WDR27: variants seen among roughly 807,000 people sequenced by gnomAD.
The protein encoded by WDR27 is WD repeat domain 27.
Under a neutral mutation model 114.4 loss-of-function variants are expected in WDR27, and 100 were observed. That is an observed-to-expected ratio of 0.87 (90% CI 0.74 to 1.03). The LOEUF (loss-of-function observed/expected upper bound fraction) is 1.03. Among genes scored for constraint, WDR27 ranks in the 50% least tolerant of loss-of-function variants. The pLI is 0.00. For missense variants in WDR27, 1,129 were observed against 1,092.9 expected, an observed-to-expected ratio of 1.03 and a Z score of -0.47; for synonymous variants, 449 against 423.1, an observed-to-expected ratio of 1.06 and a Z score of -0.75.
intron 25 of WDR27, among the ~76,000 whole-genome samples, chr6:169,535,888 T>C (rs151206930): frequency 2.8e-4 from 42 of 152,322 alleles, no homozygotes; most frequent in African/African-American, 8.4e-4. Flanking sequence ...TTCAGAGTAA[T>C]GTTTCCAGCA....
chr6:169,631,463 A>G (rs1226725060), intron 21 of WDR27, among the ~76,000 whole-genome samples: 2 of 152,058 alleles, frequency 1.3e-5, no homozygotes, highest in Non-Finnish European at 2.9e-5. Flanking sequence ...CAAGATAAAG[A>G]CGCCTGTCGG....
At chr6:169,696,631 G>A (rs1394212738) in intron 1 of WDR27, among the ~76,000 whole-genome samples, 2 of 152,198 alleles carry the variant, frequency 1.3e-5, no homozygotes, top group African/African-American at 4.8e-5. Context: ...AACAAAAGCA[G>A]ACGCCGGGCA....
chr6:169,582,828 G>C lies in WDR27; in HGVS notation c.2523+8C>G, dbSNP rs1391572281. 6.2e-7 allele frequency: 1 copy of C among 1,611,250 alleles called. No individual in the cohort carries two copies. The highest frequency in any genetic ancestry group is 1.3e-5 in the African/African-American group (1 of 74,876). ...CAGAGGCGCCCCACCCACTCAGCAAGACTGTACCTGGGGCGCTGATGGGTT... is the reference window on the plus strand; with the variant it reads ...CAGAGGCGCCCCACCCACTCAGCAACACTGTACCTGGGGCGCTGATGGGTT... On this transcript the variant is annotated splice_region_variant and intron_variant, in intron 24 of 25. Coordinates refer to ENST00000448612, the MANE Select transcript of WDR27 (RefSeq NM_182552.5).
chr6:169,442,196 A>C, the WDR27 span, among the ~76,000 whole-genome samples: 1 of 152,228 alleles, frequency 6.6e-6, no homozygotes, highest in South Asian at 2.1e-4. Context: ...TTTGGAACTG[A>C]AAGTCTTTTC....
Position 169,638,535 on chromosome 6 carries a change from T to C in WDR27, c.1869+4A>G, listed in dbSNP as rs1316351423. ...TGCCCATGGCAGAGATGACTGTCCA[T>C]TACCAGAAGCAGTGCGAGCTCTGCC... On this transcript the variant is annotated splice_donor_region_variant and intron_variant, in intron 18 of 25. Transcript: ENST00000448612. 6.2e-7 allele frequency: 1 copy of C among 1,611,020 alleles called. No homozygotes were observed. The highest frequency in any genetic ancestry group is 8.5e-7 in the Non-Finnish European group (1 of 1,179,110).
chr6:169,689,046 G>A (rs1326494780), intron 1 of WDR27, 34 bp from the exon 2 acceptor site: 2 of 1,495,760 alleles, frequency 1.3e-6, no homozygotes, highest in African/African-American at 2.8e-5. Context: ...GATGACTATA[G>A]GTATCATATT....
chr6:169,634,564 C>T, intron 19 of WDR27, 39 bp from the exon 20 acceptor site: 1 of 1,388,326 alleles, frequency 7.2e-7, no homozygotes, highest in Non-Finnish European at 1.0e-6. Flanking sequence ...TTTTTGCTTT[C>T]CTTCTGCTAC....
intron 14 of WDR27, among the ~76,000 whole-genome samples, chr6:169,650,320 T>G (rs767031163): frequency 7.9e-6 from 1 of 127,076 alleles, no homozygotes; most frequent in Non-Finnish European, 1.6e-5. Context: ...ATCCCCTCCA[T>G]CCACCCACCC....
At chr6:169,693,028 T>C (rs183446368) in intron 1 of WDR27, among the ~76,000 whole-genome samples, 125 of 152,294 alleles carry the variant, frequency 8.2e-4, no homozygotes, top group African/African-American at 2.9e-3. Flanking sequence ...GATTATGACC[T>C]GGGTACAGTC....
Position 169,555,264 on chromosome 6 carries a change from T to C in WDR27, c.2645+17155A>G, listed in dbSNP as rs143517876. ...GGGGATGTCTCAGAGAGGACAACAT[T>C]TGAAGGAGGACGAAGGGCTAAGGAG... is the stretch of plus-strand genomic sequence containing the variant. On this transcript the variant is annotated intron_variant, in intron 25 of 25. Transcript: ENST00000448612. Among the ~76,000 whole-genome samples the C allele has an allele frequency of 4.3e-3, 656 of 152,048 alleles. 3 individuals are homozygous for C. The highest frequency in any genetic ancestry group is 0.015 in the African/African-American group (633 of 41,478).
chr6:169,561,812 C>T (rs1362891763), intron 25 of WDR27, among the ~76,000 whole-genome samples: 1 of 152,040 alleles, frequency 6.6e-6, no homozygotes, highest in Non-Finnish European at 1.5e-5. Flanking sequence ...TAAATACAGC[C>T]TATAAGAAAT....
intron 2 of WDR27, among the ~76,000 whole-genome samples, chr6:169,683,038 A>G (rs1781934503): frequency 6.6e-6 from 1 of 152,180 alleles, no homozygotes; most frequent in South Asian, 2.1e-4. Context: ...AAGAAAATGA[A>G]AAGGAATGAA....
intron 25 of WDR27, among the ~76,000 whole-genome samples, chr6:169,503,596 TGAGA>T (rs1241097404): frequency 6.6e-6 from 1 of 152,124 alleles, no homozygotes; most frequent in Non-Finnish European, 1.5e-5. Flanking sequence ...GGAAAGAAGA[TGAGA>T]GAGTTTGACA....
At chr6:169,658,239 C>T in intron 13 of WDR27, 37 bp downstream of exon 13, 4 of 1,528,434 alleles carry the variant, frequency 2.6e-6, no homozygotes, top group Non-Finnish European at 3.6e-6. Flanking sequence ...AACGCATCAG[C>T]CTTGTATTCT....
intron 21 of WDR27, among the ~76,000 whole-genome samples, chr6:169,617,643 T>G (rs1812177010): frequency 1.3e-5 from 2 of 152,324 alleles, no homozygotes; most frequent in African/African-American, 4.8e-5. Context: ...CCCAAAGTGC[T>G]GGGATTACAG....
chr6:169,520,495 A>G (rs1021567496), intron 25 of WDR27, among the ~76,000 whole-genome samples: 1 of 152,218 alleles, frequency 6.6e-6, no homozygotes, highest in Non-Finnish European at 1.5e-5. Flanking sequence ...ACAGATGTAC[A>G]TGCACACGAA....
At chr6:169,481,629 C>T (rs949618259) in intron 25 of WDR27, among the ~76,000 whole-genome samples, 6 of 152,260 alleles carry the variant, frequency 3.9e-5, no homozygotes, top group Admixed American at 6.5e-5. Context: ...CAACTCCAGA[C>T]GCACTGCCTT....
intron 25 of WDR27, among the ~76,000 whole-genome samples, chr6:169,551,313 G>A (rs1798061889): frequency 1.3e-5 from 2 of 151,974 alleles, no homozygotes; most frequent in African/African-American, 4.8e-5. Flanking sequence ...GAGACCCCAC[G>A]CTCACCCTCA....
chr6:169,574,535 A>G (rs1019768283), intron 24 of WDR27, among the ~76,000 whole-genome samples: 10 of 152,194 alleles, frequency 6.6e-5, no homozygotes, highest in African/African-American at 2.2e-4. Flanking sequence ...CATCCGCCCC[A>G]GGTGACACAC....
Sources: allele counts gnomAD v4.1 joint callset (sites outside exome capture counted in the v4.1 genomes callset), GRCh38; gene constraint gnomAD v4.1.1; transcripts MANE v1.5; gene names NCBI Gene and HGNC (gene_info 2026-07-23, HGNC 2026-07-21).